Variants in MAPRE2 observed in about 807,000 individuals in gnomAD.
MAPRE2 encodes the protein microtubule-associated protein RP/EB family member 2.
MAPRE2 carries 13 observed loss-of-function variants against 43.2 expected under a neutral mutation model. The observed-to-expected ratio is 0.30, with a 90% CI of 0.20 to 0.48. The LOEUF is 0.48. Among genes scored for constraint, MAPRE2 ranks in the 20% least tolerant of loss-of-function variants. MAPRE2 has a pLI of 0.99. For missense variants in MAPRE2, 161 were observed against 400.2 expected (o/e 0.40, Z 5.10); for synonymous variants, 135 against 148.8 (o/e 0.91, Z 0.68).
At chr18:35,101,404 A>G (rs1002997757) in intron 3 of MAPRE2, among the ~76,000 whole-genome samples, 1 of 152,194 alleles carries the variant, frequency 6.6e-6, no homozygotes, top group African/African-American at 2.4e-5. Flanking sequence ...GTTACAAACA[A>G]TCCAAGTACA....
intron 1 of MAPRE2, among the ~76,000 whole-genome samples, chr18:35,057,075 C>T (rs955356759): frequency 2.3e-4 from 35 of 152,204 alleles, no homozygotes; most frequent in Admixed American, 1.7e-3. Context: ...TGTGCAATGG[C>T]GCAATCTCAG....
At chr18:35,084,481 A>G (rs1322738052) in intron 2 of MAPRE2, among the ~76,000 whole-genome samples, 1 of 152,198 alleles carries the variant, frequency 6.6e-6, no homozygotes, top group African/African-American at 2.4e-5. Flanking sequence ...TGATTTGACA[A>G]GGCCTTTTAA....
rs1250832632 is a variant in MAPRE2, at chr18:35,141,039, GTTTTGAAAGACA to G, written c.*673_*684del. On this transcript the variant is annotated 3_prime_UTR_variant, in exon 7 of 7. Transcript: ENST00000300249. Reference sequence around the variant, plus strand: ...TAGACAACTACACAGTATGTTGTTAGTTTTGAAAGACATTCACTCAAGGAAAACACCATCTCA... The same window carrying G: ...TAGACAACTACACAGTATGTTGTTAGTTCACTCAAGGAAAACACCATCTCA... The G allele has an allele frequency of 6.6e-6, 1 of 152,220 alleles. No individual in the cohort carries two copies. The highest frequency in any genetic ancestry group is 2.4e-5 in the African/African-American group (1 of 41,434). 9.4% of individuals were successfully genotyped at this position (152,220 alleles called of 1,614,324 possible).
At chr18:35,005,580 T>C (rs1171967766) in intron 2 of MAPRE2, 2 of 1,416,296 alleles carry the variant, frequency 1.4e-6, no homozygotes, top group African/African-American at 2.9e-5. Context: ...TTACGTTGCA[T>C]GACTCCTTGC....
intron 1 of MAPRE2, among the ~76,000 whole-genome samples, chr18:35,057,624 G>A (rs113709237): frequency 1.3e-5 from 2 of 151,894 alleles, no homozygotes; most frequent in Admixed American, 6.6e-5. Context: ...GATGTTTATT[G>A]ATTTAAAAAA....
At chr18:35,029,162 C>G (rs572256626) in intron 2 of MAPRE2, among the ~76,000 whole-genome samples, 1 of 152,206 alleles carries the variant, frequency 6.6e-6, no homozygotes, top group East Asian at 1.9e-4. Context: ...TGATGGGAAA[C>G]TTAGTCTTAC....
At chr18:35,137,947 T>C (rs1195879586) in intron 6 of MAPRE2, among the ~76,000 whole-genome samples, 1 of 152,158 alleles carries the variant, frequency 6.6e-6, no homozygotes, top group African/African-American at 2.4e-5. Context: ...CTCCCATGAA[T>C]GTTAGTTTCA....
intron 1 of MAPRE2, among the ~76,000 whole-genome samples, chr18:34,985,245 TAAAATATATAATATAA>T: frequency 4.3e-5 from 2 of 46,776 alleles, no homozygotes; most frequent in Non-Finnish European, 7.0e-5. Context: ...TTATATAATA[TAAAATATATAATATAA>T]TATATTATAT....
chr18:35,122,963 C>T (rs962437678), intron 4 of MAPRE2, among the ~76,000 whole-genome samples: 3 of 152,334 alleles, frequency 2.0e-5, no homozygotes, highest in East Asian at 1.9e-4. Context: ...AACCTGTTTC[C>T]CCAAGTGGCT....
chr18:35,010,587 C>T (rs573767888), intron 2 of MAPRE2, among the ~76,000 whole-genome samples: 1 of 152,286 alleles, frequency 6.6e-6, no homozygotes. Flanking sequence ...TTTGTTTATT[C>T]ATCAAGTTGC....
At chr18:35,041,897 C>G in intron 1 of MAPRE2, 1 of 920,858 alleles carries the variant, frequency 1.1e-6, no homozygotes, top group East Asian at 3.0e-5. Context: ...CGAGGGGTCT[C>G]CCTCCATCTC....
At chr18:35,012,457 A>G (rs2150583569) in intron 2 of MAPRE2, among the ~76,000 whole-genome samples, 1 of 152,306 alleles carries the variant, frequency 6.6e-6, no homozygotes, top group South Asian at 2.1e-4. Flanking sequence ...CTATGTTCAC[A>G]GCAGCAGCAT....
chr18:34,985,098 T>C (rs1254331977), intron 1 of MAPRE2, among the ~76,000 whole-genome samples: 1 of 87,730 alleles, frequency 1.1e-5, no homozygotes, highest in African/African-American at 4.7e-5. Flanking sequence ...ATATATTATA[T>C]AATATATAAA....
chr18:35,044,961 A>G (rs1480888497), intron 1 of MAPRE2, among the ~76,000 whole-genome samples: 1 of 152,234 alleles, frequency 6.6e-6, no homozygotes, highest in Non-Finnish European at 1.5e-5. Flanking sequence ...GCAGCTCATT[A>G]TTGAAACTAG....
Position 35,126,864 on chromosome 18 carries a change from T to A in MAPRE2, c.611-84T>A, listed in dbSNP as rs948748217. ...GTATCTCTTATATGTTGTTGTAAGCTCTTTTCATATCATTCATTTTCTATG... is the reference window on the plus strand; with the variant it reads ...GTATCTCTTATATGTTGTTGTAAGCACTTTTCATATCATTCATTTTCTATG... On this transcript the variant is annotated intron_variant, in intron 4 of 6. Coordinates refer to ENST00000300249, the MANE Select transcript of MAPRE2 (RefSeq NM_014268.4). The A allele has an allele frequency of 1.7e-5, 20 of 1,193,704 alleles. No homozygotes were observed. In the African/African-American group the frequency reaches 2.6e-4, roughly 15 times the overall value. 73.9% of individuals were successfully genotyped at this position (1,193,704 alleles called of 1,614,324 possible).
chr18:35,129,086 A>G (rs1910033139), intron 5 of MAPRE2, among the ~76,000 whole-genome samples: 1 of 152,004 alleles, frequency 6.6e-6, no homozygotes, highest in Non-Finnish European at 1.5e-5. Flanking sequence ...TAATCCTTTC[A>G]TTACTTCCCA....
intron 1 of MAPRE2, among the ~76,000 whole-genome samples, chr18:34,995,803 CG>C (rs370209937): frequency 9.7e-4 from 147 of 152,204 alleles, no homozygotes; most frequent in Middle Eastern, 3.4e-3. Flanking sequence ...CTTTACCAAG[CG>C]CATGTTAATC....
chr18:35,140,210 A>C, intron 6 of MAPRE2, 85 bp from the exon 7 acceptor site: 1 of 1,237,166 alleles, frequency 8.1e-7, no homozygotes, highest in South Asian at 1.3e-5. Context: ...TTGAGACGCC[A>C]TGCTGGCAGT....
At chr18:34,985,344 T>TATA (rs1410308079) in intron 1 of MAPRE2, among the ~76,000 whole-genome samples, 1 of 44,596 alleles carries the variant, frequency 2.2e-5, no homozygotes, top group Non-Finnish European at 3.6e-5. Context: ...ATATAATATA[T>TATA]TATATTATAT....
Sources: gnomAD v4.1 joint callset for allele counts (sites outside exome capture counted in the v4.1 genomes callset) on GRCh38, gnomAD v4.1.1 for gene constraint, MANE v1.5 for transcripts, NCBI Gene and HGNC (gene_info 2026-07-23, HGNC 2026-07-21) for gene names.